The following SLC12A2 variants were observed in gnomAD, a reference collection of about 807,000 sequenced individuals.
SLC12A2 encodes the protein solute carrier family 12 member 2.
Under a neutral mutation model 136.3 loss-of-function variants are expected in SLC12A2, and 67 were observed. The ratio of observed to expected loss-of-function variants is 0.49; its 90% CI spans 0.40 to 0.60. The LOEUF is 0.60. SLC12A2 is among the 20% of genes least tolerant of loss of function. The probability of loss-of-function intolerance (pLI) is 0.00; values close to 1 mark genes in which losing one functional copy is unlikely to be tolerated. For synonymous variants in SLC12A2, 619 were observed against 562.9 expected (o/e 1.10, Z -1.41); for missense variants, 1,322 against 1,534.7 (o/e 0.86, Z 2.32).
At chr5:128,151,721 T>C (rs577402978) in intron 14 of SLC12A2, among the ~76,000 whole-genome samples, 12 of 152,238 alleles carry the variant, frequency 7.9e-5, no homozygotes, top group African/African-American at 2.9e-4. Context: ...TAAATTATTT[T>C]TTGAAAGGAT....
chr5:128,089,390 C>A (rs568093372), intron 1 of SLC12A2, among the ~76,000 whole-genome samples: 2 of 151,970 alleles, frequency 1.3e-5, no homozygotes, highest in Non-Finnish European at 2.9e-5. Flanking sequence ...AACAGCAAGA[C>A]CCTGTCTAAA....
chr5:128,131,951 G>C (rs1762037353), intron 5 of SLC12A2, among the ~76,000 whole-genome samples: 1 of 152,180 alleles, frequency 6.6e-6, no homozygotes, highest in African/African-American at 2.4e-5. Context: ...GTTGCGGTGA[G>C]CCGAGATCGC....
intron 23 of SLC12A2, 52 bp from the exon 24 acceptor site, chr5:128,182,803 C>T: frequency 7.8e-7 from 1 of 1,273,942 alleles, no homozygotes; most frequent in Non-Finnish European, 1.1e-6. Flanking sequence ...TGGATTCAGC[C>T]CAATATAGAA....
At chr5:128,176,452 G>A (rs1229569984) in intron 20 of SLC12A2, among the ~76,000 whole-genome samples, 1 of 151,874 alleles carries the variant, frequency 6.6e-6, no homozygotes, top group Non-Finnish European at 1.5e-5. Context: ...GGAACAAAAT[G>A]AGATTAGGAA....
At chr5:128,177,066 G>T in intron 20 of SLC12A2, 39 bp from the exon 21 acceptor site, 1 of 1,279,680 alleles carries the variant, frequency 7.8e-7, no homozygotes, top group Non-Finnish European at 1.1e-6. Context: ...TAATATAAAG[G>T]CAATTAACAT....
chr5:128,131,273 A>G (rs895739730), intron 5 of SLC12A2, 67 bp downstream of exon 5: 9 of 1,506,590 alleles, frequency 6.0e-6, no homozygotes, highest in Non-Finnish European at 7.4e-6. Flanking sequence ...GCCGATCACC[A>G]TGTTAGAGGT....
chr5:128,124,509 T>G (rs1382078213), intron 4 of SLC12A2, among the ~76,000 whole-genome samples: 2 of 152,082 alleles, frequency 1.3e-5, no homozygotes, highest in African/African-American at 2.4e-5. Context: ...AGAAAACAGC[T>G]TACTATCATC....
Position 128,152,804 on chromosome 5 carries a change from A to C in SLC12A2, c.2362A>C (p.Arg788=), listed in dbSNP as rs1463299779. 6.3e-7 allele frequency: 1 copy of C among 1,588,734 alleles called. No homozygotes were observed. Among genetic ancestry groups the C allele is most frequent in the Non-Finnish European group, 8.6e-7 (1 of 1,156,900 alleles). ...SGVEDHVKNF[R]PQCLVMTGAP... is the part of the protein sequence containing the mutation. ...AGTGGAAGACCACGTGAAAAACTTT[A>C]GGTAAGTGATAAAGAAGGAAACATG... The change falls in exon 15 of 27, where the codon AGG becomes CGG. Residue 788 remains arginine, a splice_region_variant and synonymous_variant. Coordinates refer to ENST00000262461, the MANE Select transcript of SLC12A2 (RefSeq NM_001046.3).
At chr5:128,135,633 T>C in intron 6 of SLC12A2, 67 bp from the exon 7 acceptor site, 1 of 1,043,258 alleles carries the variant, frequency 9.6e-7, no homozygotes. Context: ...AGTTATATTC[T>C]AGGGGAATTG....
At chr5:128,112,755 T>C in intron 1 of SLC12A2, 59 bp from the exon 2 acceptor site, 1 of 1,337,284 alleles carries the variant, frequency 7.5e-7, no homozygotes, top group Non-Finnish European at 1.0e-6. Context: ...TGTTTGTTTT[T>C]ATCAAGTGAT....
At chr5:128,100,680 C>G (rs937738870) in intron 1 of SLC12A2, among the ~76,000 whole-genome samples, 1 of 152,022 alleles carries the variant, frequency 6.6e-6, no homozygotes, top group African/African-American at 2.4e-5. Flanking sequence ...TACTGCTTTT[C>G]CAGTGTTTTA....
intron 4 of SLC12A2, among the ~76,000 whole-genome samples, chr5:128,128,861 A>G (rs989721522): frequency 6.6e-6 from 1 of 151,914 alleles, no homozygotes; most frequent in Non-Finnish European, 1.5e-5. Flanking sequence ...GAATAGGGCA[A>G]ATAACTGTTG....
chr5:128,160,930 T>A (rs1763015949), intron 16 of SLC12A2, among the ~76,000 whole-genome samples: 1 of 152,004 alleles, frequency 6.6e-6, no homozygotes. Context: ...TTGGGACTTG[T>A]GGAGTTTTCT....
intron 4 of SLC12A2, among the ~76,000 whole-genome samples, chr5:128,127,680 A>G (rs369459739): frequency 2.6e-5 from 4 of 151,886 alleles, no homozygotes; most frequent in Non-Finnish European, 5.9e-5. Context: ...TTTTCAAGGA[A>G]TTTGTGTATT....
chr5:128,094,952 A>G (rs1307126058), intron 1 of SLC12A2, among the ~76,000 whole-genome samples: 2 of 152,164 alleles, frequency 1.3e-5, no homozygotes, highest in East Asian at 3.8e-4. Context: ...AAAGATTTCC[A>G]TCATCACAGA....
chr5:128,156,382 C>T (rs191497359), intron 15 of SLC12A2, among the ~76,000 whole-genome samples: 75 of 152,094 alleles, frequency 4.9e-4, no homozygotes, highest in East Asian at 3.9e-4. Flanking sequence ...CTCTTTATGC[C>T]GTGGAGAGTT....
intron 1 of SLC12A2, among the ~76,000 whole-genome samples, chr5:128,109,129 AT>A (rs1023069133): frequency 5.3e-5 from 8 of 152,266 alleles, no homozygotes; most frequent in Non-Finnish European, 1.0e-4. Context: ...AAACATGAGG[AT>A]TAATTAAAAA....
chr5:128,142,068 G>A, intron 10 of SLC12A2, 87 bp downstream of exon 10: 1 of 1,115,494 alleles, frequency 9.0e-7, no homozygotes, highest in Non-Finnish European at 1.3e-6. Context: ...GAATATAGCT[G>A]TAACATAGAA....
At chr5:128,109,293 G>A (rs1437292311) in intron 1 of SLC12A2, among the ~76,000 whole-genome samples, 1 of 152,244 alleles carries the variant, frequency 6.6e-6, no homozygotes, top group Non-Finnish European at 1.5e-5. Flanking sequence ...GGCGTGCCAG[G>A]GCACAGGTTG....
Sources: allele counts gnomAD v4.1 joint callset (sites outside exome capture counted in the v4.1 genomes callset), GRCh38; gene constraint gnomAD v4.1.1; transcripts MANE v1.5; gene names NCBI Gene and HGNC (gene_info 2026-07-23, HGNC 2026-07-21).